The following KAZN variants were observed in gnomAD, a reference collection of about 807,000 sequenced individuals.
The protein encoded by KAZN is kazrin.
A neutral mutation model predicts 87.4 loss-of-function variants in KAZN; 40 were observed. The ratio of observed to expected loss-of-function variants is 0.46; its 90% CI spans 0.36 to 0.60. The LOEUF (loss-of-function observed/expected upper bound fraction) is 0.60. Among genes scored for constraint, KAZN ranks in the 20% least tolerant of loss-of-function variants. The probability of loss-of-function intolerance (pLI) is 0.00; values close to 1 mark genes in which losing one functional copy is unlikely to be tolerated. For synonymous variants in KAZN, 466 were observed against 458.3 expected (o/e 1.02, Z -0.22); for missense variants, 898 against 1,073.9 (o/e 0.84, Z 2.29).
At chr1:15,058,126 G>A (rs968949389) in intron 5 of KAZN, among the ~76,000 whole-genome samples, 4 of 152,206 alleles carry the variant, frequency 2.6e-5, no homozygotes, top group South Asian at 2.1e-4. Context: ...ACCCTACCTC[G>A]GGTTTGCTGT....
chr1:14,467,922 G>A (rs888541994), intron 2 of KAZN, among the ~76,000 whole-genome samples: 3 of 152,102 alleles, frequency 2.0e-5, no homozygotes, highest in Non-Finnish European at 4.4e-5. Flanking sequence ...GCCTGCTTGG[G>A]TCAAATGTCC....
At chr1:14,541,224 C>T (rs891935150) in intron 2 of KAZN, among the ~76,000 whole-genome samples, 3 of 152,062 alleles carry the variant, frequency 2.0e-5, no homozygotes, top group African/African-American at 4.8e-5. Flanking sequence ...CCCCCAAGGA[C>T]GAAGGAAATA....
At chr1:14,093,187 G>T (rs1255551488) in intron 1 of KAZN, among the ~76,000 whole-genome samples, 1 of 152,152 alleles carries the variant, frequency 6.6e-6, no homozygotes, top group Admixed American at 6.5e-5. Context: ...TGCCCGTCAA[G>T]AAATTAGTAC....
At chr1:14,453,812 G>A (rs1320758939) in intron 2 of KAZN, among the ~76,000 whole-genome samples, 1 of 152,062 alleles carries the variant, frequency 6.6e-6, no homozygotes, top group Non-Finnish European at 1.5e-5. Context: ...CTCCAGCCTG[G>A]GCAACAGAGC....
chr1:14,164,421 A>G (rs1645774973), intron 1 of KAZN, among the ~76,000 whole-genome samples: 4 of 148,966 alleles, frequency 2.7e-5, no homozygotes, highest in Admixed American at 2.7e-4. Flanking sequence ...CATCCCTCAG[A>G]GTGAGCATTT....
intron 1 of KAZN, among the ~76,000 whole-genome samples, chr1:14,809,786 T>C (rs954419229): frequency 6.6e-6 from 1 of 152,168 alleles, no homozygotes; most frequent in African/African-American, 2.4e-5. Context: ...GAGATGGCAG[T>C]GGCTGGGAGG....
intron 2 of KAZN, among the ~76,000 whole-genome samples, chr1:14,361,182 C>A (rs2100980300): frequency 6.6e-6 from 1 of 152,348 alleles, no homozygotes; most frequent in East Asian, 1.9e-4. Context: ...CTTTGCCAAG[C>A]TGCGGTGTAC....
intron 1 of KAZN, among the ~76,000 whole-genome samples, chr1:14,790,710 G>T (rs950380164): frequency 6.6e-6 from 1 of 152,088 alleles, no homozygotes; most frequent in South Asian, 2.1e-4. Context: ...GAGGAATCCG[G>T]TGACTTCTTT....
intron 2 of KAZN, among the ~76,000 whole-genome samples, chr1:14,427,887 T>C (rs1204646151): frequency 1.3e-5 from 2 of 152,208 alleles, no homozygotes; most frequent in African/African-American, 4.8e-5. Context: ...GACTATGTTC[T>C]TCCTAATGCT....
chr1:14,012,844 C>G (rs1640378203), intron 1 of KAZN, among the ~76,000 whole-genome samples: 1 of 152,180 alleles, frequency 6.6e-6, no homozygotes, highest in African/African-American at 2.4e-5. Flanking sequence ...AAACAAGCAA[C>G]AAACATATTT....
chr1:14,158,719 C>G (rs1295342471), intron 1 of KAZN, among the ~76,000 whole-genome samples: 1 of 152,066 alleles, frequency 6.6e-6, no homozygotes, highest in Admixed American at 6.5e-5. Flanking sequence ...TTGCAGTACT[C>G]TCAGTCTGGG....
chr1:14,721,766 T>G (rs908746528), intron 1 of KAZN, among the ~76,000 whole-genome samples: 3 of 152,194 alleles, frequency 2.0e-5, no homozygotes, highest in African/African-American at 7.2e-5. Context: ...TAAGGCAAAT[T>G]GAAATCCTAA....
chr1:14,588,502 C>T (rs943979233), intron 2 of KAZN, among the ~76,000 whole-genome samples: 2 of 152,214 alleles, frequency 1.3e-5, no homozygotes, highest in Admixed American at 6.5e-5. Flanking sequence ...ATGATCATTT[C>T]CTGCTTAGCT....
intron 2 of KAZN, among the ~76,000 whole-genome samples, chr1:15,026,364 C>A (rs940418337): frequency 1.4e-4 from 21 of 152,170 alleles, no homozygotes; most frequent in African/African-American, 4.1e-4. Flanking sequence ...TAGGGAAGCT[C>A]AGAGAAGTTG....
chr1:14,326,489 TAAC>T (rs1229966929), intron 2 of KAZN, among the ~76,000 whole-genome samples: 3 of 152,224 alleles, frequency 2.0e-5, no homozygotes, highest in Non-Finnish European at 2.9e-5. Flanking sequence ...CTCTCCATTC[TAAC>T]AACACAGTAG....
chr1:14,239,222 T>G (rs1648700416), intron 2 of KAZN, among the ~76,000 whole-genome samples: 1 of 152,196 alleles, frequency 6.6e-6, no homozygotes, highest in African/African-American at 2.4e-5. Context: ...ACAGAGGTGA[T>G]GCTTTGCCTC....
intron 8 of KAZN, among the ~76,000 whole-genome samples, chr1:15,090,285 C>T (rs1421138589): frequency 6.6e-6 from 1 of 152,204 alleles, no homozygotes; most frequent in African/African-American, 2.4e-5. Flanking sequence ...TTCCCAGAAG[C>T]ACATAACAGA....
chr1:14,479,109 G>A (rs929647376), intron 2 of KAZN, among the ~76,000 whole-genome samples: 36 of 152,260 alleles, frequency 2.4e-4, no homozygotes, highest in African/African-American at 8.4e-4. Context: ...GTTCAGAGTC[G>A]CCCCTGGTGG....
chr1:14,702,209 C>G (rs537836189), intron 1 of KAZN, among the ~76,000 whole-genome samples: 102 of 152,258 alleles, frequency 6.7e-4, no homozygotes, highest in African/African-American at 2.4e-3. Context: ...TTTGAAAAGG[C>G]CCCATGGCCT....
Sources: gnomAD v4.1 joint callset for allele counts (sites outside exome capture counted in the v4.1 genomes callset) on GRCh38, gnomAD v4.1.1 for gene constraint, MANE v1.5 for transcripts, NCBI Gene and HGNC (gene_info 2026-07-23, HGNC 2026-07-21) for gene names.